KCNIP4: variants seen among roughly 807,000 people sequenced by gnomAD.
KCNIP4 encodes Kv channel-interacting protein 4.
Under a neutral mutation model 34.0 loss-of-function variants are expected in KCNIP4, and 12 were observed. That is an observed-to-expected ratio of 0.35 (90% CI 0.23 to 0.57). KCNIP4 has a LOEUF of 0.57. Among genes scored for constraint, KCNIP4 ranks in the 20% least tolerant of loss-of-function variants. The pLI is 0.83. For synonymous variants in KCNIP4, 124 were observed against 102.2 expected (o/e 1.21, Z -1.29); for missense variants, 238 against 311.7 (o/e 0.76, Z 1.78).
chr4:21,512,664 C>T (rs2109926137), intron 1 of KCNIP4, among the ~76,000 whole-genome samples: 1 of 152,268 alleles, frequency 6.6e-6, no homozygotes, highest in Non-Finnish European at 1.5e-5. Context: ...TTCATCTGTG[C>T]TCACAAGTCC....
intron 3 of KCNIP4, among the ~76,000 whole-genome samples, chr4:20,792,238 G>A (rs995554495): frequency 6.6e-6 from 1 of 152,028 alleles, no homozygotes; most frequent in African/African-American, 2.4e-5. Flanking sequence ...GCTGAGTGTG[G>A]TGGAGGGCAC....
chr4:21,361,910 G>A (rs1560328579), intron 1 of KCNIP4, among the ~76,000 whole-genome samples: 1 of 152,040 alleles, frequency 6.6e-6, no homozygotes, highest in Non-Finnish European at 1.5e-5. Context: ...GCAGCTGTGA[G>A]CTCCAAATTC....
chr4:21,396,736 A>C (rs1723045760), intron 1 of KCNIP4, among the ~76,000 whole-genome samples: 1 of 152,040 alleles, frequency 6.6e-6, no homozygotes, highest in African/African-American at 2.4e-5. Flanking sequence ...TCAGAGATGA[A>C]GCTGGAATGG....
At chr4:21,413,200 T>G (rs1347005976) in intron 1 of KCNIP4, among the ~76,000 whole-genome samples, 2 of 152,192 alleles carry the variant, frequency 1.3e-5, no homozygotes, top group Non-Finnish European at 2.9e-5. Context: ...GGCATTAGGG[T>G]AAGTAGATGT....
intron 1 of KCNIP4, among the ~76,000 whole-genome samples, chr4:21,650,257 T>C (rs181998011): frequency 6.6e-6 from 1 of 152,368 alleles, no homozygotes; most frequent in African/African-American, 2.4e-5. Context: ...AAAAATTTTC[T>C]TTCACCTTGG....
intron 1 of KCNIP4, among the ~76,000 whole-genome samples, chr4:21,589,498 C>T (rs1742002110): frequency 6.6e-6 from 1 of 150,856 alleles, no homozygotes; most frequent in Non-Finnish European, 1.5e-5. Flanking sequence ...ACTGGGGAAG[C>T]AAGAAATAAA....
At chr4:21,621,409 T>A (rs538945569) in intron 1 of KCNIP4, among the ~76,000 whole-genome samples, 1 of 152,306 alleles carries the variant, frequency 6.6e-6, no homozygotes, top group East Asian at 1.9e-4. Context: ...TCACCCAGGC[T>A]GGAGTGACGT....
chr4:21,773,275 G>A (rs1210908057), intron 1 of KCNIP4, among the ~76,000 whole-genome samples: 1 of 152,188 alleles, frequency 6.6e-6, no homozygotes, highest in African/African-American at 2.4e-5. Context: ...ACTGTGGTCT[G>A]AGAGACTGTT....
At chr4:20,811,500 TGTGTGTGTGTGTGTGC>T (rs1560483080) in intron 3 of KCNIP4, among the ~76,000 whole-genome samples, 6 of 94,340 alleles carry the variant, frequency 6.4e-5, no homozygotes, top group African/African-American at 1.8e-4. Flanking sequence ...CATGTGTGTG[TGTGTGTGTGTGTGTGC>T]GCGCGCGCAC....
chr4:21,531,112 G>T (rs1424719884), intron 1 of KCNIP4, among the ~76,000 whole-genome samples: 1 of 152,144 alleles, frequency 6.6e-6, no homozygotes, highest in Non-Finnish European at 1.5e-5. Flanking sequence ...GGAAAAGCCT[G>T]GCTATTTGGT....
intron 1 of KCNIP4, among the ~76,000 whole-genome samples, chr4:21,304,380 C>G (rs16870755): frequency 6.6e-6 from 1 of 152,136 alleles, no homozygotes; most frequent in Non-Finnish European, 1.5e-5. Flanking sequence ...AACATGAGGC[C>G]CGGCGCGGAG....
chr4:21,614,978 C>T (rs559052361), intron 1 of KCNIP4, among the ~76,000 whole-genome samples: 1 of 152,168 alleles, frequency 6.6e-6, no homozygotes, highest in Non-Finnish European at 1.5e-5. Flanking sequence ...GTAGAGCACA[C>T]CTATTTCTGG....
intron 1 of KCNIP4, among the ~76,000 whole-genome samples, chr4:20,978,559 A>G (rs1735710788): frequency 6.6e-6 from 1 of 152,166 alleles, no homozygotes; most frequent in Non-Finnish European, 1.5e-5. Context: ...GTGCTTGTAC[A>G]TGGTGTTACC....
intron 1 of KCNIP4, among the ~76,000 whole-genome samples, chr4:21,071,432 T>C (rs1191068067): frequency 6.6e-6 from 1 of 152,136 alleles, no homozygotes; most frequent in Non-Finnish European, 1.5e-5. Context: ...TTGGGTTCTT[T>C]GTTCTGTTTC....
chr4:21,817,563 C>A (rs573652505), intron 1 of KCNIP4, among the ~76,000 whole-genome samples: 1 of 152,060 alleles, frequency 6.6e-6, no homozygotes, highest in South Asian at 2.1e-4. Context: ...TAAATGGACA[C>A]GCAAGTAGGG....
chr4:20,744,329 A>G (rs926795289), intron 5 of KCNIP4, among the ~76,000 whole-genome samples: 1 of 152,210 alleles, frequency 6.6e-6, no homozygotes, highest in African/African-American at 2.4e-5. Flanking sequence ...TTGCGGCACT[A>G]TTCACAGTAG....
At chr4:21,605,932 G>GA (rs1378419451) in intron 1 of KCNIP4, among the ~76,000 whole-genome samples, 2 of 152,070 alleles carry the variant, frequency 1.3e-5, no homozygotes, top group African/African-American at 2.4e-5. Context: ...CTTCCAGACA[G>GA]AAAAAAACCA....
chr4:21,224,822 A>T (rs1263208510), intron 1 of KCNIP4, among the ~76,000 whole-genome samples: 1 of 151,634 alleles, frequency 6.6e-6, no homozygotes, highest in Non-Finnish European at 1.5e-5. Context: ...TCTGACCTCA[A>T]ATGATCCACC....
intron 1 of KCNIP4, among the ~76,000 whole-genome samples, chr4:21,547,122 G>C (rs1036502696): frequency 2.3e-4 from 35 of 152,046 alleles, no homozygotes; most frequent in African/African-American, 8.2e-4. Flanking sequence ...AAATGAATGT[G>C]GAGTAGAAAT....
Sources: allele counts gnomAD v4.1 joint callset (sites outside exome capture counted in the v4.1 genomes callset), GRCh38; gene constraint gnomAD v4.1.1; transcripts MANE v1.5; gene names NCBI Gene and HGNC (gene_info 2026-07-23, HGNC 2026-07-21).